Variants in CAP2 observed in about 807,000 individuals in gnomAD.
CAP2 encodes the protein adenylyl cyclase-associated protein 2.
CAP2 carries 24 observed loss-of-function variants against 57.7 expected under a neutral mutation model. The ratio of observed to expected loss-of-function variants is 0.42; its 90% CI spans 0.30 to 0.58. The LOEUF (loss-of-function observed/expected upper bound fraction) is 0.58. CAP2 is among the 20% of genes least tolerant of loss of function. The pLI, the probability that CAP2 is intolerant of heterozygous loss-of-function variation, is 0.22. For synonymous variants in CAP2, 194 were observed against 207.2 expected, an observed-to-expected ratio of 0.94 and a Z score of 0.55; for missense variants, 501 against 590.3, an observed-to-expected ratio of 0.85 and a Z score of 1.57.
intron 1 of CAP2, among the ~76,000 whole-genome samples, chr6:17,396,040 C>G (rs1758655937): frequency 6.6e-6 from 1 of 152,060 alleles, no homozygotes; most frequent in African/African-American, 2.4e-5. Flanking sequence ...GGCCAATAAA[C>G]CCATGAAAAG....
chr6:17,417,525 T>A (rs1437244632), intron 1 of CAP2, among the ~76,000 whole-genome samples: 1 of 152,148 alleles, frequency 6.6e-6, no homozygotes, highest in Non-Finnish European at 1.5e-5. Context: ...TCCACCCGCC[T>A]CTGCCTCCCA....
At chr6:17,413,134 C>T (rs1361366367) in intron 1 of CAP2, among the ~76,000 whole-genome samples, 1 of 152,076 alleles carries the variant, frequency 6.6e-6, no homozygotes, top group Admixed American at 6.6e-5. Context: ...CATTTTTCTC[C>T]TGCAGTGAGA....
intron 4 of CAP2, among the ~76,000 whole-genome samples, chr6:17,497,812 T>C (rs574421586): frequency 1.6e-4 from 25 of 152,352 alleles, no homozygotes; most frequent in African/African-American, 5.0e-4. Flanking sequence ...GTCAAGTATC[T>C]ATCAGAACAA....
At chr6:17,495,413 A>C (rs551157431) in intron 4 of CAP2, among the ~76,000 whole-genome samples, 1 of 152,356 alleles carries the variant, frequency 6.6e-6, no homozygotes, top group South Asian at 2.1e-4. Flanking sequence ...TATAAGCTTT[A>C]CATCTAAGAA....
intron 12 of CAP2, among the ~76,000 whole-genome samples, chr6:17,555,421 C>G (rs1581620609): frequency 6.6e-6 from 1 of 151,126 alleles, no homozygotes. Flanking sequence ...CTCGAACTCC[C>G]AACCTCAGGT....
At chr6:17,521,382 C>T (rs903734443) in intron 7 of CAP2, among the ~76,000 whole-genome samples, 1 of 151,898 alleles carries the variant, frequency 6.6e-6, no homozygotes, top group Non-Finnish European at 1.5e-5. Context: ...GGCACCACTG[C>T]ACTCCAGCCT....
intron 7 of CAP2, chr6:17,531,394 A>G (rs1381452146): frequency 6.3e-6 from 10 of 1,594,802 alleles, no homozygotes; most frequent in African/African-American, 1.3e-5. Flanking sequence ...CTGCAGGTAC[A>G]TAGAAGTTGC....
intron 11 of CAP2, 150 bp downstream of exon 11, chr6:17,543,293 C>G: frequency 1.5e-6 from 1 of 673,326 alleles, no homozygotes; most frequent in South Asian, 1.8e-5. Flanking sequence ...TAAGCTGCGG[C>G]CTTGCACAGA....
chr6:17,451,979 A>G (rs1297055522), intron 3 of CAP2, among the ~76,000 whole-genome samples: 1 of 152,248 alleles, frequency 6.6e-6, no homozygotes, highest in Non-Finnish European at 1.5e-5. Context: ...ACTTGAAGGT[A>G]ACTTCCACTG....
chr6:17,494,964 C>A (rs531242870), intron 4 of CAP2, among the ~76,000 whole-genome samples: 1 of 152,116 alleles, frequency 6.6e-6, no homozygotes, highest in African/African-American at 2.4e-5. Flanking sequence ...CCTTTGGACT[C>A]GAATTGAAAG....
intron 3 of CAP2, among the ~76,000 whole-genome samples, chr6:17,440,536 G>C (rs1691677639): frequency 6.6e-6 from 1 of 150,868 alleles, no homozygotes; most frequent in Non-Finnish European, 1.5e-5. Flanking sequence ...TAAAAATGTT[G>C]ACAGAGGCTT....
chr6:17,469,624 A>G (rs73721585), intron 4 of CAP2, among the ~76,000 whole-genome samples: 3,523 of 152,180 alleles, frequency 0.023, 131 homozygotes, highest in African/African-American at 0.075. Flanking sequence ...GCGCGTTTCT[A>G]CTATCCTCCC....
chr6:17,511,032 T>A (rs1762133026), intron 6 of CAP2, among the ~76,000 whole-genome samples: 1 of 152,204 alleles, frequency 6.6e-6, no homozygotes, highest in Non-Finnish European at 1.5e-5. Flanking sequence ...CCCTCAGTGT[T>A]AACTCTAGCA....
intron 4 of CAP2, among the ~76,000 whole-genome samples, 161 bp downstream of exon 4, chr6:17,463,234 T>TC (rs1233344510): frequency 3.3e-5 from 5 of 151,884 alleles, no homozygotes; most frequent in Admixed American, 1.3e-4. Context: ...ATAGAACAAT[T>TC]CTTCTCTCTC....
chr6:17,501,382 C>G lies in CAP2; in HGVS notation c.301-5787C>G, dbSNP rs116190356. On this transcript the variant is annotated intron_variant, in intron 4 of 12. Coordinates refer to ENST00000229922, the MANE Select transcript of CAP2 (RefSeq NM_006366.3). The stretch of plus-strand genomic sequence containing the variant: ...TACTTTTTTTCCATGTGGTGGAATG[C>G]AGAATGTTTATTGTTTACTTATGTT... 2.3e-3 allele frequency among the ~76,000 whole-genome samples: 349 copies of G among 152,202 alleles called. 4 individuals carry two copies. Among genetic ancestry groups the G allele is most frequent in the African/African-American group, 7.6e-3 (317 of 41,514 alleles).
intron 4 of CAP2, among the ~76,000 whole-genome samples, chr6:17,478,490 T>A (rs1026164802): frequency 3.9e-5 from 6 of 152,014 alleles, no homozygotes; most frequent in African/African-American, 1.4e-4. Flanking sequence ...TCTGATAACA[T>A]TATAAATATC....
intron 2 of CAP2, among the ~76,000 whole-genome samples, 191 bp downstream of exon 2, chr6:17,421,867 A>G (rs1159603024): frequency 6.6e-6 from 1 of 152,268 alleles, no homozygotes; most frequent in African/African-American, 2.4e-5. Flanking sequence ...TTCAACCCAC[A>G]ATCCACAACA....
chr6:17,453,820 G>A (rs1237894280), intron 3 of CAP2, among the ~76,000 whole-genome samples: 1 of 151,722 alleles, frequency 6.6e-6, no homozygotes, highest in Non-Finnish European at 1.5e-5. Flanking sequence ...TCCAGGTCTT[G>A]ATTGCTTTTT....
intron 1 of CAP2, among the ~76,000 whole-genome samples, chr6:17,398,588 G>T (rs868547814): frequency 6.7e-6 from 1 of 149,142 alleles, no homozygotes; most frequent in Non-Finnish European, 1.5e-5. Context: ...GCAGTGGCAC[G>T]ATCTCCTCTC....
Sources: allele counts gnomAD v4.1 joint callset (sites outside exome capture counted in the v4.1 genomes callset), GRCh38; gene constraint gnomAD v4.1.1; transcripts MANE v1.5; gene names NCBI Gene and HGNC (gene_info 2026-07-23, HGNC 2026-07-21).